MKLN1: variants seen among roughly 807,000 people sequenced by gnomAD.
MKLN1 encodes the protein muskelin.
MKLN1 carries 18 observed loss-of-function variants against 99.0 expected under a neutral mutation model. The ratio of observed to expected loss-of-function variants is 0.18; its 90% CI spans 0.13 to 0.27. The LOEUF (loss-of-function observed/expected upper bound fraction) is 0.27, where lower values mean the gene tolerates loss of function less well. MKLN1 is among the 10% of genes least tolerant of loss of function. The probability of loss-of-function intolerance (pLI) is 1.00; values close to 1 mark genes in which losing one functional copy is unlikely to be tolerated. For synonymous variants in MKLN1, 288 were observed against 293.2 expected (o/e 0.98, Z 0.18); for missense variants, 621 against 875.9 (o/e 0.71, Z 3.67).
At chr7:131,128,241 A>G (rs1795493730) in intron 1 of MKLN1, among the ~76,000 whole-genome samples, 1 of 107,760 alleles carries the variant, frequency 9.3e-6, no homozygotes, top group Admixed American at 1.1e-4. Flanking sequence ...AAAAATGGAA[A>G]AACATGTGGC....
At chr7:131,232,004 TGAA>T (rs939687975) in intron 3 of MKLN1, among the ~76,000 whole-genome samples, 1 of 152,202 alleles carries the variant, frequency 6.6e-6, no homozygotes, top group Admixed American at 6.5e-5. Context: ...TCAGCGAACA[TGAA>T]GGACACAGAA....
At chr7:131,325,391 T>C (rs1343198736), upstream of MKLN1, among the ~76,000 whole-genome samples, 1 of 150,764 alleles carries the variant, frequency 6.6e-6, no homozygotes, top group African/African-American at 2.4e-5. Context: ...CCAGAGCAGG[T>C]GTTGAAGAAA....
In MKLN1 at chr7:131,494,253, C is replaced by T. The variant is rs1188859341; in HGVS notation, c.*6525C>T. The T allele has an allele frequency of 6.6e-6, 1 of 152,098 alleles. No homozygotes were observed. Among genetic ancestry groups the T allele is most frequent in the Non-Finnish European group, 1.5e-5 (1 of 68,008 alleles). The allele number at this position is 152,098 out of a possible 1,614,324, so 9.4% of individuals were successfully genotyped here. On this transcript the variant is annotated 3_prime_UTR_variant, in exon 18 of 18. Transcript: ENST00000352689. ...TAATTTTGGTTTTTTATTTAGGTTTCCTCCACATCTGTAAAGTGATTGATT... is the reference window on the plus strand; with the variant it reads ...TAATTTTGGTTTTTTATTTAGGTTTTCTCCACATCTGTAAAGTGATTGATT...
intron 16 of MKLN1, among the ~76,000 whole-genome samples, chr7:131,474,598 T>C (rs1796915568): frequency 6.6e-6 from 1 of 152,222 alleles, no homozygotes. Context: ...CAATTTATTT[T>C]TCACCTTAGG....
At chr7:131,225,112 G>A (rs1797127663) in intron 3 of MKLN1, among the ~76,000 whole-genome samples, 1 of 152,024 alleles carries the variant, frequency 6.6e-6, no homozygotes, top group African/African-American at 2.4e-5. Flanking sequence ...TTGGGGGACG[G>A]TGTCTTTTAG....
intron 12 of MKLN1, among the ~76,000 whole-genome samples, chr7:131,447,935 GA>G (rs2116531289): frequency 6.6e-6 from 1 of 152,206 alleles, no homozygotes; most frequent in South Asian, 2.1e-4. Flanking sequence ...AAGATTAAAA[GA>G]AAAAAGTGGC....
chr7:131,444,280 G>A (rs1465521010), intron 11 of MKLN1, among the ~76,000 whole-genome samples: 2 of 151,638 alleles, frequency 1.3e-5, no homozygotes, highest in Non-Finnish European at 2.9e-5. Context: ...ACCACGCCCG[G>A]CTAATTTTTT....
chr7:131,191,879 A>AT (rs113730048), intron 2 of MKLN1, among the ~76,000 whole-genome samples: 2,019 of 136,860 alleles, frequency 0.015, 22 homozygotes, highest in South Asian at 0.029. Context: ...ATGCCTGACT[A>AT]TTTTTTTTTT....
At position 131,489,949 on chromosome 7, in the gene MKLN1, C is replaced by G. The variant is rs974967428; in HGVS notation, c.*2221C>G. 5 of 152,106 alleles carry G rather than the reference C, an allele frequency of 3.3e-5. No individual in the cohort carries two copies. The highest frequency in any genetic ancestry group is 1.2e-4 in the African/African-American group (5 of 41,402). 9.4% of individuals were successfully genotyped at this position (152,106 alleles called of 1,614,324 possible). On this transcript the variant is annotated 3_prime_UTR_variant, in exon 18 of 18. Transcript: ENST00000352689. ...ATCATAGCGAGCCATTTGCTCTTGC[C>G]AAAGTGAGATAGATGTACTGAGGAG...
chr7:131,469,631 C>G (rs1242479826), intron 15 of MKLN1, among the ~76,000 whole-genome samples: 2 of 152,148 alleles, frequency 1.3e-5, no homozygotes, highest in East Asian at 3.9e-4. Context: ...ACCCTGTCAC[C>G]AAGGATGCCA....
Position 131,321,394 on chromosome 7 carries a change from A to G in MKLN1, c.-178-54030A>G, listed in dbSNP as rs113378955. 2.9e-3 allele frequency among the ~76,000 whole-genome samples: 441 copies of G among 152,262 alleles called. 1 individual carries two copies. Among genetic ancestry groups the G allele is most frequent in the African/African-American group, 0.01 (427 of 41,552 alleles). On this transcript the variant is annotated intron_variant, in intron 3 of 7. Transcript: ENST00000416992. ...TGAACAATGAGAATAGATGGACACA[A>G]GAAGAACATTAAACACCGGGGCCAG...
At chr7:131,382,438 T>C (rs1470901640) in intron 2 of MKLN1, among the ~76,000 whole-genome samples, 1 of 152,178 alleles carries the variant, frequency 6.6e-6, no homozygotes, top group Non-Finnish European at 1.5e-5. Flanking sequence ...TGATTAATGA[T>C]GTTACCATTT....
At chr7:131,486,241 A>G (rs1217825390) in intron 17 of MKLN1, among the ~76,000 whole-genome samples, 1 of 140,218 alleles carries the variant, frequency 7.1e-6, no homozygotes, top group Non-Finnish European at 1.6e-5. Context: ...GTTGAAAAAG[A>G]AGCAATTTGG....
chr7:131,432,821 C>A (rs1253592553), intron 9 of MKLN1, among the ~76,000 whole-genome samples: 2 of 152,174 alleles, frequency 1.3e-5, no homozygotes, highest in African/African-American at 4.8e-5. Flanking sequence ...GATTCATATG[C>A]TTCTTTATTC....
chr7:131,351,558 C>T (rs561786515), intron 1 of MKLN1, among the ~76,000 whole-genome samples: 1 of 152,118 alleles, frequency 6.6e-6, no homozygotes, highest in South Asian at 2.1e-4. Context: ...ACCTCCTGGG[C>T]TCAAGTGGTC....
rs139892490 is a variant in MKLN1 at position 131,197,378 on chromosome 7, T to TTTATTA, written c.-296-5434_-296-5429dup. Reference sequence around the variant, plus strand: ...GCCACCATGCCCAGTTAATTAAAATTTTATTATTATTATTATTATTATTAT... The same window carrying TTTATTA: ...GCCACCATGCCCAGTTAATTAAAATTTTATTATTATTATTATTATTATTATTATTAT... On this transcript the variant is annotated intron_variant, in intron 2 of 7. Coordinates refer to the MKLN1 transcript ENST00000416992. 4.6e-3 allele frequency among the ~76,000 whole-genome samples: 641 copies of TTTATTA among 139,254 alleles called. 3 individuals are homozygous for TTTATTA. The highest frequency in any genetic ancestry group is 7.9e-3 in the South Asian group (33 of 4,202). 91.4% of individuals were successfully genotyped at this position (139,254 alleles called of 152,430 possible).
At chr7:131,176,306 T>A (rs1317087315) in intron 2 of MKLN1, among the ~76,000 whole-genome samples, 1 of 152,226 alleles carries the variant, frequency 6.6e-6, no homozygotes, top group Non-Finnish European at 1.5e-5. Context: ...TCATGTGCTT[T>A]AATATTTTGA....
chr7:131,469,940 A>G (rs887573102), intron 15 of MKLN1, among the ~76,000 whole-genome samples: 9 of 151,748 alleles, frequency 5.9e-5, no homozygotes, highest in African/African-American at 2.2e-4. Flanking sequence ...CAGTGGTACA[A>G]TCATGGCTCA....
At chr7:131,176,394 A>G (rs952146128) in intron 2 of MKLN1, among the ~76,000 whole-genome samples, 3 of 152,166 alleles carry the variant, frequency 2.0e-5, no homozygotes, top group African/African-American at 7.2e-5. Flanking sequence ...TTTAACCAAC[A>G]GCTAAATTTG....
Sources: allele counts gnomAD v4.1 joint callset (sites outside exome capture counted in the v4.1 genomes callset), GRCh38; gene constraint gnomAD v4.1.1; transcripts MANE v1.5; gene names NCBI Gene and HGNC (gene_info 2026-07-23, HGNC 2026-07-21).